The following SP100 variants were observed in gnomAD, a reference collection of about 807,000 sequenced individuals.
SP100 encodes the protein SP100 nuclear body protein, also known as nuclear autoantigen Sp-100.
Under a neutral mutation model 130.0 loss-of-function variants are expected in SP100, and 84 were observed. The observed-to-expected ratio is 0.65, with a 90% CI of 0.54 to 0.77. The LOEUF is 0.77. Ranked by LOEUF, SP100 falls within the 30% of genes least tolerant of loss-of-function variation. The pLI is 0.00. For missense variants in SP100, 978 were observed against 1,052.2 expected, an observed-to-expected ratio of 0.93 and a Z score of 0.97; for synonymous variants, 331 against 351.7, an observed-to-expected ratio of 0.94 and a Z score of 0.66.
Position 230,446,892 on chromosome 2 carries a change from T to C in SP100, c.513T>C (p.Ser171=), listed in dbSNP as rs372049518. The C allele has an allele frequency of 1.0e-5, 16 of 1,604,736 alleles. No individual in the cohort carries two copies. Among genetic ancestry groups the C allele is most frequent in the Non-Finnish European group, 1.4e-5 (16 of 1,172,486 alleles). Reference sequence around the variant, plus strand: ...AGGAGAGGTCTGGCCTCCAACTAAGTCTTGAACAAGGTAAAAATGACAGAA... The same window carrying C: ...AGGAGAGGTCTGGCCTCCAACTAAGCCTTGAACAAGGTAAAAATGACAGAA... The part of the protein sequence containing the change: ...EREERSGLQL[S]LEQGTGENSF... Residue 171 remains serine (S), a synonymous_variant, in exon 5 of 29, where the codon AGT becomes AGC. Transcript: ENST00000340126.
At chr2:230,485,812 T>C (rs1225482126) in intron 17 of SP100, among the ~76,000 whole-genome samples, 1 of 152,244 alleles carries the variant, frequency 6.6e-6, no homozygotes, top group Non-Finnish European at 1.5e-5. Context: ...CTTTTATTGA[T>C]AGAACCAAGA....
chr2:230,523,346 T>C (rs1282111111), intron 24 of SP100, among the ~76,000 whole-genome samples: 1 of 152,228 alleles, frequency 6.6e-6, no homozygotes, highest in East Asian at 1.9e-4. Context: ...TTATGTTATA[T>C]GTTATGCCTA....
At chr2:230,452,723 A>G (rs2064059100) in intron 8 of SP100, among the ~76,000 whole-genome samples, 1 of 151,660 alleles carries the variant, frequency 6.6e-6, no homozygotes, top group South Asian at 2.1e-4. Flanking sequence ...TATGTTTTTC[A>G]GAGAGTTTAT....
rs779439924 is a variant in SP100 at position 230,539,334 on chromosome 2, C to T, written c.2162C>T (p.Pro721Leu). The T allele has an allele frequency of 3.1e-6, 5 of 1,613,942 alleles. No individual in the cohort carries two copies. The highest frequency in any genetic ancestry group is 1.7e-5 in the Admixed American group (1 of 60,014). Reference sequence around the variant, plus strand: ...CGGCTGTTCTGCTGCGACACTTGTCCAAGATCCTTTCATGAGCACTGCCAC... The same window carrying T: ...CGGCTGTTCTGCTGCGACACTTGTCTAAGATCCTTTCATGAGCACTGCCAC... ...WGRLFCCDTC[P>L]RSFHEHCHIP... The change falls in exon 25 of 29, where the codon CCA becomes CTA. Residue 721 changes from proline (P) to leucine (L), a missense_variant. Pro to Leu is a moderately conservative substitution (Grantham distance 98). Transcript: ENST00000340126.
At chr2:230,534,145 C>T (rs1321935165) in intron 24 of SP100, among the ~76,000 whole-genome samples, 2 of 152,112 alleles carry the variant, frequency 1.3e-5, no homozygotes, top group East Asian at 1.9e-4. Context: ...CGGTGGCTCA[C>T]GCCTGTAATC....
At chr2:230,417,492 A>G (rs2062636568) in intron 1 of SP100, 99 bp from the exon 2 acceptor site, 3 of 1,461,426 alleles carry the variant, frequency 2.1e-6, no homozygotes, top group South Asian at 2.9e-5. Flanking sequence ...GGGTTTTTAC[A>G]TCTAAACAAA....
At position 230,524,400 on chromosome 2, in the gene SP100, T is replaced by G. The variant is rs1284231903; in HGVS notation, c.2094+13234T>G. ...AAAGAAAAGAAAAGGAAAAAAAACG[T>G]ATAAACCCAGCCAAAACAAAATGAT... is the stretch of plus-strand genomic sequence containing the variant. On this transcript the variant is annotated intron_variant, in intron 24 of 28. Transcript: ENST00000340126. 4.0e-5 allele frequency among the ~76,000 whole-genome samples: 6 copies of G among 149,774 alleles called. No individual in the cohort carries two copies. In the East Asian group the frequency reaches 9.8e-4, roughly 24 times the overall value.
At position 230,497,488 on chromosome 2, in the gene SP100, GGAGGAGAGGAGAGGAGAGGAGAGGA is replaced by G. The variant is rs1201615462; in HGVS notation, c.1646-937_1646-913del. Among the ~76,000 whole-genome samples the G allele has an allele frequency of 8.6e-4, 28 of 32,472 alleles. 1 individual carries two copies. Among genetic ancestry groups the G allele is most frequent in the African/African-American group, 4.0e-3 (28 of 7,084 alleles). The allele number at this position is 32,472 out of a possible 152,430, so 21.3% of individuals were successfully genotyped here. A position where few individuals can be genotyped will look rare whatever the true frequency, so the allele number is the denominator to read the frequency against. On this transcript the variant is annotated intron_variant, in intron 18 of 28. Coordinates refer to ENST00000340126, the MANE Select transcript of SP100 (RefSeq NM_001080391.2). ...GGGAAGGAGGGGAGGGGAGGGGAGG[GGAGGAGAGGAGAGGAGAGGAGAGGA>G]GAGGAGAGGAGAGGAGAGGAGAGGA...
chr2:230,507,656 T>C (rs1181852239), intron 22 of SP100, among the ~76,000 whole-genome samples: 3 of 152,076 alleles, frequency 2.0e-5, no homozygotes, highest in African/African-American at 7.2e-5. Context: ...GAGCTAGGTC[T>C]AAAAAGATGA....
At chr2:230,442,805 CCTCTA>C (rs2063522639) in intron 2 of SP100, 127 bp from the exon 3 acceptor site, 4 of 731,972 alleles carry the variant, frequency 5.5e-6, no homozygotes, top group Non-Finnish European at 7.0e-6. Flanking sequence ...TTTATTCTGG[CCTCTA>C]CTGAGGACCA....
intron 18 of SP100, among the ~76,000 whole-genome samples, chr2:230,495,410 C>A (rs1011779478): frequency 6.6e-6 from 1 of 152,172 alleles, no homozygotes; most frequent in African/African-American, 2.4e-5. Flanking sequence ...GCAACCTCTG[C>A]CTCCCAGGTT....
intron 2 of SP100, among the ~76,000 whole-genome samples, chr2:230,435,304 T>C (rs530113601): frequency 2.1e-4 from 32 of 152,330 alleles, no homozygotes; most frequent in Non-Finnish European, 4.4e-4. Flanking sequence ...CCTGTTCAGG[T>C]CCATTTTGGA....
At chr2:230,517,494 G>A (rs976732644) in intron 24 of SP100, among the ~76,000 whole-genome samples, 2 of 152,146 alleles carry the variant, frequency 1.3e-5, no homozygotes, top group Admixed American at 1.3e-4. Context: ...AGGCGCCATA[G>A]CTAACACCTG....
At chr2:230,469,334 G>A in intron 14 of SP100, 1 of 518,338 alleles carries the variant, frequency 1.9e-6, no homozygotes, top group Non-Finnish European at 3.6e-6. Context: ...GGATAAAGTA[G>A]TTCCTGAGTA....
intron 6 of SP100, 60 bp from the exon 7 acceptor site, chr2:230,449,501 G>A: frequency 6.3e-7 from 1 of 1,587,978 alleles, no homozygotes; most frequent in Admixed American, 1.7e-5. Flanking sequence ...GTAGTGGTTG[G>A]AGGGGAGTGA....
chr2:230,522,131 T>G (rs1691199112), intron 24 of SP100, among the ~76,000 whole-genome samples: 1 of 152,166 alleles, frequency 6.6e-6, no homozygotes, highest in Non-Finnish European at 1.5e-5. Context: ...TCCAAAGGAA[T>G]TTCTGTTTGC....
chr2:230,450,133 G>A, intron 7 of SP100, 39 bp from the exon 8 acceptor site: 5 of 1,440,902 alleles, frequency 3.5e-6, no homozygotes, highest in Middle Eastern at 1.7e-4. Flanking sequence ...ACAGAGCAAG[G>A]CTCTACTGGA....
At chr2:230,508,113 T>G in intron 23 of SP100, 82 bp downstream of exon 23, 1 of 1,564,976 alleles carries the variant, frequency 6.4e-7, no homozygotes, top group Non-Finnish European at 8.6e-7. Flanking sequence ...AGTCTTTAAA[T>G]TGACCCATCA....
In SP100 at chr2:230,449,796, G is replaced by C. The variant is rs774381169; in HGVS notation, c.736+86G>C. 108 of 1,371,434 alleles carry C rather than the reference G, an allele frequency of 7.9e-5. 1 individual carries two copies. The highest frequency in any genetic ancestry group is 1.1e-4 in the Non-Finnish European group (106 of 981,280). 85.0% of individuals were successfully genotyped at this position (1,371,434 alleles called of 1,614,324 possible). A position where few individuals can be genotyped will look rare whatever the true frequency, so the allele number is the denominator to read the frequency against. ...GGAAGAGTCTAATGCACAATACAAGGAGACACCTGTTTAACAAGCAGGGGA... is the reference window on the plus strand; with the variant it reads ...GGAAGAGTCTAATGCACAATACAAGCAGACACCTGTTTAACAAGCAGGGGA... On this transcript the variant is annotated intron_variant, in intron 7 of 28. Transcript: ENST00000340126.
Sources: gnomAD v4.1 joint callset for allele counts (sites outside exome capture counted in the v4.1 genomes callset) on GRCh38, gnomAD v4.1.1 for gene constraint, MANE v1.5 for transcripts, NCBI Gene and HGNC (gene_info 2026-07-23, HGNC 2026-07-21) for gene names.